Variants in SLC8A1 observed in about 807,000 individuals in gnomAD.
SLC8A1 encodes the protein sodium/calcium exchanger 1.
Under a neutral mutation model 68.3 loss-of-function variants are expected in SLC8A1, and 18 were observed. The observed-to-expected ratio is 0.26, with a 90% CI of 0.18 to 0.39. SLC8A1 has a LOEUF of 0.39. Among genes scored for constraint, SLC8A1 ranks in the 10% least tolerant of loss-of-function variants. The pLI, the probability that SLC8A1 is intolerant of heterozygous loss-of-function variation, is 1.00. For missense variants in SLC8A1, 985 were observed against 1,156.7 expected (o/e 0.85, Z 2.15); for synonymous variants, 475 against 415.5 (o/e 1.14, Z -1.74).
At position 40,322,598 on chromosome 2, in the gene SLC8A1, C is replaced by T. The variant is rs1027106445; in HGVS notation, c.1808+105875G>A. On this transcript the variant is annotated intron_variant, in intron 2 of 7. Coordinates refer to ENST00000406785, the Ensembl canonical transcript of SLC8A1. ...GTCCGAGGCAGGAGGGTCACTTGAG[C>T]TCAGGAGTCTGATGCTGCAGGGAGC... is the stretch of plus-strand genomic sequence containing the variant. 4.6e-5 allele frequency among the ~76,000 whole-genome samples: 7 copies of T among 151,538 alleles called. No individual in the cohort carries two copies. In the South Asian group the frequency reaches 1.0e-3, roughly 23 times the overall value.
chr2:40,426,964 T>C (rs1342697737), intron 2 of SLC8A1, among the ~76,000 whole-genome samples: 1 of 152,022 alleles, frequency 6.6e-6, no homozygotes, highest in African/African-American at 2.4e-5. Flanking sequence ...AAATTCTTTC[T>C]TGGATATGAA....
At chr2:40,256,149 G>A (rs569879460) in intron 2 of SLC8A1, among the ~76,000 whole-genome samples, 3 of 152,234 alleles carry the variant, frequency 2.0e-5, no homozygotes, top group East Asian at 1.9e-4. Context: ...TAAGACACAC[G>A]GCATTTTTAC....
At chr2:40,201,585 G>A (rs759474254) in intron 2 of SLC8A1, among the ~76,000 whole-genome samples, 5 of 151,878 alleles carry the variant, frequency 3.3e-5, no homozygotes, top group Non-Finnish European at 7.4e-5. Context: ...ACTAAGCTTT[G>A]CCTTTGTAAG....
intron 1 of SLC8A1, among the ~76,000 whole-genome samples, 183 bp downstream of exon 1, chr2:40,451,721 G>T (rs1702522333): frequency 7.2e-6 from 1 of 139,536 alleles, no homozygotes; most frequent in African/African-American, 2.7e-5. Context: ...AAATGTGCAG[G>T]CGCGCACACA....
At chr2:40,439,917 C>T (rs1212616945) in intron 1 of SLC8A1, among the ~76,000 whole-genome samples, 1 of 152,130 alleles carries the variant, frequency 6.6e-6, no homozygotes, top group Non-Finnish European at 1.5e-5. Flanking sequence ...TGACAATATA[C>T]TCAGTGACAA....
chr2:40,258,430 T>A (rs118090503), intron 2 of SLC8A1, among the ~76,000 whole-genome samples: 1 of 152,338 alleles, frequency 6.6e-6, no homozygotes, highest in Admixed American at 6.5e-5. Context: ...GCTTGAAATA[T>A]GATCTCCTGC....
At chr2:40,252,836 G>GGC in intron 2 of SLC8A1, among the ~76,000 whole-genome samples, 1 of 139,656 alleles carries the variant, frequency 7.2e-6, no homozygotes, top group Non-Finnish European at 1.5e-5. Flanking sequence ...ATATACATGT[G>GGC]TATACATATA....
chr2:40,167,750 T>C (rs1198858820), intron 4 of SLC8A1, among the ~76,000 whole-genome samples: 1 of 152,208 alleles, frequency 6.6e-6, no homozygotes, highest in Non-Finnish European at 1.5e-5. Flanking sequence ...TCCCTATTGA[T>C]GAGTGAGAAG....
intron 2 of SLC8A1, among the ~76,000 whole-genome samples, chr2:40,357,355 A>T (rs1672996547): frequency 6.6e-6 from 1 of 150,862 alleles, no homozygotes; most frequent in Admixed American, 6.6e-5. Flanking sequence ...TAATTAGCCA[A>T]ATGTGGTGGT....
intron 2 of SLC8A1, among the ~76,000 whole-genome samples, chr2:40,235,893 C>A (rs2060295441): frequency 6.6e-6 from 1 of 151,594 alleles, no homozygotes; most frequent in Non-Finnish European, 1.5e-5. Flanking sequence ...GTTCAGTTTC[C>A]ATGTAGTTGA....
intron 2 of SLC8A1, among the ~76,000 whole-genome samples, chr2:40,342,576 A>G (rs1435393562): frequency 2.6e-5 from 4 of 152,140 alleles, no homozygotes; most frequent in African/African-American, 4.8e-5. Context: ...CAGTGTTAAA[A>G]TTTGCTTTCT....
At chr2:40,256,751 C>T (rs1278075413) in intron 2 of SLC8A1, among the ~76,000 whole-genome samples, 2 of 152,130 alleles carry the variant, frequency 1.3e-5, no homozygotes, top group Non-Finnish European at 2.9e-5. Context: ...CTGGGCTTTC[C>T]CCAGAACACA....
chr2:40,106,244 G>C (rs554631610), exon 8 of SLC8A1: 1 of 152,268 alleles, frequency 6.6e-6, no homozygotes, highest in Admixed American at 6.5e-5. Flanking sequence ...TAGGGATTGA[G>C]TCAGAACTAT....
At chr2:40,463,907 G>C (rs1703501989) in intron 1 of SLC8A1, among the ~76,000 whole-genome samples, 1 of 149,392 alleles carries the variant, frequency 6.7e-6, no homozygotes. Context: ...TAGAGAGAGA[G>C]ACAGATTGAT....
At chr2:40,393,524 T>C (rs1268647262) in intron 2 of SLC8A1, among the ~76,000 whole-genome samples, 10 of 152,164 alleles carry the variant, frequency 6.6e-5, no homozygotes, top group Non-Finnish European at 5.9e-5. Flanking sequence ...GCCTTTGCTG[T>C]AAAAGATTAT....
upstream of SLC8A1, among the ~76,000 whole-genome samples, chr2:40,452,876 C>T (rs571986674): frequency 1.3e-5 from 2 of 151,954 alleles, no homozygotes; most frequent in Admixed American, 1.3e-4. Context: ...GTGTGAAAGG[C>T]GTGCTGGTTT....
exon 8 of SLC8A1, chr2:40,108,496 T>A (rs961476062): frequency 1.3e-5 from 2 of 152,176 alleles, no homozygotes; most frequent in African/African-American, 2.4e-5. Context: ...TTAAATACGC[T>A]CTTATTCTCA....
At chr2:40,350,059 C>A (rs1670577779) in intron 2 of SLC8A1, among the ~76,000 whole-genome samples, 1 of 152,084 alleles carries the variant, frequency 6.6e-6, no homozygotes. Context: ...AGCTTAGCCA[C>A]CCTTTTATTA....
intron 1 of SLC8A1, among the ~76,000 whole-genome samples, chr2:40,479,026 C>T (rs1559758940): frequency 2.0e-5 from 3 of 152,178 alleles, no homozygotes; most frequent in South Asian, 4.1e-4. Flanking sequence ...CCTGCCTCGA[C>T]CTCCCAAAGT....
Sources: allele counts gnomAD v4.1 joint callset (sites outside exome capture counted in the v4.1 genomes callset), GRCh38; gene constraint gnomAD v4.1.1; transcripts MANE v1.5; gene names NCBI Gene and HGNC (gene_info 2026-07-23, HGNC 2026-07-21).